The following PPP4R1 variants were observed in gnomAD, a reference collection of about 807,000 sequenced individuals.
PPP4R1 encodes the protein serine/threonine-protein phosphatase 4 regulatory subunit 1.
PPP4R1 carries 42 observed loss-of-function variants against 111.2 expected under a neutral mutation model. That is an observed-to-expected ratio of 0.38 (90% CI 0.29 to 0.49). PPP4R1 has a LOEUF of 0.49. Ranked by LOEUF, PPP4R1 falls within the 20% of genes least tolerant of loss-of-function variation. The pLI, the probability that PPP4R1 is intolerant of heterozygous loss-of-function variation, is 0.97. For synonymous variants in PPP4R1, 409 were observed against 405.5 expected, an observed-to-expected ratio of 1.01 and a Z score of -0.10; for missense variants, 1,012 against 1,161.6, an observed-to-expected ratio of 0.87 and a Z score of 1.87.
At chr18:9,614,874 G>C (rs1313089316), upstream of PPP4R1, 2 of 150,288 alleles carry the variant, frequency 1.3e-5, no homozygotes, top group African/African-American at 4.9e-5. This position sits in a 1 kb window ranked among gnomAD's most constrained non-coding sequence, Gnocchi z 4.1. Flanking sequence ...ACCCTGCGGC[G>C]AGTGCCGGAA....
intron 4 of PPP4R1, among the ~76,000 whole-genome samples, chr18:9,592,828 A>G (rs1020528166): frequency 6.6e-6 from 1 of 152,136 alleles, no homozygotes; most frequent in Non-Finnish European, 1.5e-5. Flanking sequence ...AAATCAAATT[A>G]AAAAAATAAG....
intron 6 of PPP4R1, among the ~76,000 whole-genome samples, chr18:9,585,751 G>T (rs1023270311): frequency 1.2e-4 from 18 of 152,088 alleles, no homozygotes; most frequent in Non-Finnish European, 2.2e-4. Flanking sequence ...AATGAACAAT[G>T]AACTGGAAAC....
chr18:9,575,911 G>GT (rs1471025635), intron 10 of PPP4R1, among the ~76,000 whole-genome samples: 1 of 152,106 alleles, frequency 6.6e-6, no homozygotes, highest in Non-Finnish European at 1.5e-5. Context: ...GTATAAACAG[G>GT]TAATTTTTTA....
chr18:9,556,420 T>C (rs187344007), intron 15 of PPP4R1, among the ~76,000 whole-genome samples: 2 of 152,038 alleles, frequency 1.3e-5, no homozygotes, highest in African/African-American at 2.4e-5. Flanking sequence ...CTCAACCTCC[T>C]GACCTCAAGT....
At chr18:9,584,439 T>C (rs779521611) in intron 8 of PPP4R1, 76 bp downstream of exon 8, 3 of 1,294,334 alleles carry the variant, frequency 2.3e-6, no homozygotes, top group Non-Finnish European at 3.2e-6. Context: ...AACTTTGGAG[T>C]AAATGTGTGC....
At chr18:9,610,176 T>C (rs971783380) in intron 2 of PPP4R1, among the ~76,000 whole-genome samples, 2 of 152,254 alleles carry the variant, frequency 1.3e-5, no homozygotes, top group Non-Finnish European at 2.9e-5. Flanking sequence ...TTTAGGAATC[T>C]ACCAACTTAA....
chr18:9,570,086 G>T lies in PPP4R1; in HGVS notation c.1573+71C>A. ...ATTAAATGACAATTTTTTCTGAAATGAAATTTTTTTAAGATAGACACTAAT... is the reference window on the plus strand; with the variant it reads ...ATTAAATGACAATTTTTTCTGAAATTAAATTTTTTTAAGATAGACACTAAT... On this transcript the variant is annotated intron_variant, in intron 11 of 19. Transcript: ENST00000400556. 2.1e-6 allele frequency: 3 copies of T among 1,448,778 alleles called. No homozygotes were observed. The South Asian group carries it at 4.6e-5, about 22-fold the overall frequency. The allele number at this position is 1,448,778 out of a possible 1,614,324, so 89.7% of individuals were successfully genotyped here. A position where few individuals can be genotyped will look rare whatever the true frequency, so the allele number is the denominator to read the frequency against.
chr18:9,615,272 G>T (rs2067675441), upstream of PPP4R1: 1 of 152,286 alleles, frequency 6.6e-6, no homozygotes, highest in South Asian at 2.1e-4. Context: ...CTGACAAGGC[G>T]GGCAATCCAC....
At chr18:9,593,483 A>G (rs1324405551) in intron 4 of PPP4R1, among the ~76,000 whole-genome samples, 2 of 152,132 alleles carry the variant, frequency 1.3e-5, no homozygotes, top group Non-Finnish European at 2.9e-5. Flanking sequence ...ATTATTCTAT[A>G]TATTTTTATT....
At chr18:9,569,419 A>G (rs183654908) in intron 11 of PPP4R1, among the ~76,000 whole-genome samples, 1 of 152,262 alleles carries the variant, frequency 6.6e-6, no homozygotes, top group East Asian at 1.9e-4. Flanking sequence ...TAGTGCGACA[A>G]ACATTCTATA....
intron 9 of PPP4R1, among the ~76,000 whole-genome samples, chr18:9,580,130 A>C (rs1488644796): frequency 6.6e-6 from 1 of 152,118 alleles, no homozygotes. Context: ...CTCTATGTCA[A>C]TTTTGTTTTG....
intron 16 of PPP4R1, among the ~76,000 whole-genome samples, chr18:9,552,520 G>T (rs2066505301): frequency 6.6e-6 from 1 of 152,124 alleles, no homozygotes; most frequent in Non-Finnish European, 1.5e-5. Context: ...TAGAAAAATA[G>T]GTGTTAGTGA....
chr18:9,583,023 A>T, intron 9 of PPP4R1, 94 bp downstream of exon 9: 1 of 1,108,758 alleles, frequency 9.0e-7, no homozygotes, highest in Non-Finnish European at 1.2e-6. Flanking sequence ...AATATATCTT[A>T]AATTATAAGT....
chr18:9,557,451 A>G, intron 14 of PPP4R1, 69 bp from the exon 15 acceptor site: 1 of 1,357,262 alleles, frequency 7.4e-7, no homozygotes, highest in Non-Finnish European at 9.9e-7. Context: ...TAGGCAATAT[A>G]CAAAGGCTAA....
chr18:9,616,846 A>T (rs1365692352), upstream of PPP4R1, among the ~76,000 whole-genome samples: 2 of 152,160 alleles, frequency 1.3e-5, no homozygotes, highest in Admixed American at 6.5e-5. Flanking sequence ...AAGGAGGAGG[A>T]TCTGTATCAT....
Position 9,614,096 on chromosome 18 carries a change from A to C in PPP4R1, c.52+130T>G. ...GATTTTCCCCCCCGATCGCCACCCC[A>C]GCCCGCCTGGGGCCGCCCTCGCCCA... On this transcript the variant is annotated intron_variant, in intron 2 of 19. Transcript: ENST00000400556. The surrounding 1 kb of genome is among the most constrained non-coding windows in gnomAD (Gnocchi z 4.1). 4 of 772,126 alleles carry C rather than the reference A, an allele frequency of 5.2e-6. No homozygotes were observed. Among genetic ancestry groups the C allele is most frequent in the Non-Finnish European group, 3.4e-6 (2 of 592,916 alleles). 47.8% of individuals were successfully genotyped at this position (772,126 alleles called of 1,614,324 possible). A position where few individuals can be genotyped will look rare whatever the true frequency, so the allele number is the denominator to read the frequency against.
intron 2 of PPP4R1, among the ~76,000 whole-genome samples, chr18:9,597,157 G>C (rs1424315099): frequency 6.6e-6 from 1 of 152,078 alleles, no homozygotes; most frequent in Admixed American, 6.6e-5. Flanking sequence ...TTAAAAAAAA[G>C]ATAAAACATA....
intron 2 of PPP4R1, among the ~76,000 whole-genome samples, chr18:9,609,973 C>T (rs935114887): frequency 2.0e-5 from 3 of 152,238 alleles, no homozygotes; most frequent in Non-Finnish European, 2.9e-5. Context: ...CTACACATCA[C>T]AGGACTGCTG....
intron 14 of PPP4R1, among the ~76,000 whole-genome samples, chr18:9,558,823 GGGAAGA>G (rs2066628749): frequency 6.6e-6 from 1 of 152,060 alleles, no homozygotes; most frequent in Non-Finnish European, 1.5e-5. Flanking sequence ...CATCAAGCCT[GGGAAGA>G]GGTCACACAA....
Sources: gnomAD v4.1 joint callset for allele counts (sites outside exome capture counted in the v4.1 genomes callset) on GRCh38, gnomAD v4.1.1 for gene constraint, Gnocchi (gnomAD v3.1) non-coding constraint, MANE v1.5 for transcripts, NCBI Gene and HGNC (gene_info 2026-07-23, HGNC 2026-07-21) for gene names.